Variants in IMMP2L observed in about 807,000 individuals in gnomAD.
IMMP2L encodes the protein inner mitochondrial membrane peptidase subunit 2.
IMMP2L carries 18 observed loss-of-function variants against 19.3 expected under a neutral mutation model. The ratio of observed to expected loss-of-function variants is 0.93; its 90% CI spans 0.64 to 1.38. IMMP2L has a LOEUF of 1.38. Ranked by LOEUF, IMMP2L falls within the 40% of genes most tolerant of loss-of-function variation. The probability of loss-of-function intolerance (pLI) is 0.00; values close to 1 mark genes in which losing one functional copy is unlikely to be tolerated. For missense variants in IMMP2L, 233 were observed against 218.2 expected (o/e 1.07, Z -0.43); for synonymous variants, 76 against 73.0 (o/e 1.04, Z -0.21).
intron 3 of IMMP2L, among the ~76,000 whole-genome samples, chr7:111,444,652 C>A (rs191178397): frequency 9.0e-4 from 137 of 152,158 alleles, no homozygotes; most frequent in South Asian, 4.1e-3. Context: ...AAGTATTTAA[C>A]CATCAAATCC....
intron 5 of IMMP2L, among the ~76,000 whole-genome samples, chr7:110,817,506 A>G (rs935881515): frequency 2.8e-4 from 43 of 152,176 alleles, no homozygotes; most frequent in African/African-American, 1.0e-3. Context: ...ACGGGTAGGA[A>G]GAATCAATAT....
chr7:110,865,450 A>G (rs1585072208), intron 5 of IMMP2L, among the ~76,000 whole-genome samples: 1 of 152,034 alleles, frequency 6.6e-6, no homozygotes, highest in South Asian at 2.1e-4. Flanking sequence ...TCTGAGTTCT[A>G]TATCTTAATT....
Position 111,039,437 on chromosome 7 carries a change from T to C in IMMP2L, c.240-75872A>G, listed in dbSNP as rs1266891977. Among the ~76,000 whole-genome samples the C allele has an allele frequency of 3.9e-5, 6 of 152,248 alleles. No homozygotes were observed. In the South Asian group the frequency reaches 1.0e-3, roughly 26 times the overall value. Reference sequence around the variant, plus strand: ...TAAACTAACATAAATATTACACTTATGACACTTTAAGGAAGATATGCTCAG... The same window carrying C: ...TAAACTAACATAAATATTACACTTACGACACTTTAAGGAAGATATGCTCAG... On this transcript the variant is annotated intron_variant, in intron 3 of 5. Transcript: ENST00000405709.
At chr7:111,038,014 G>A (rs1048084396) in intron 3 of IMMP2L, among the ~76,000 whole-genome samples, 3 of 152,160 alleles carry the variant, frequency 2.0e-5, no homozygotes, top group African/African-American at 7.2e-5. Flanking sequence ...CCATAGGCCA[G>A]TGTGTGATTG....
chr7:111,328,665 G>T (rs1825575738), intron 3 of IMMP2L, among the ~76,000 whole-genome samples: 1 of 151,822 alleles, frequency 6.6e-6, no homozygotes, highest in South Asian at 2.1e-4. Flanking sequence ...ATGCCCATGG[G>T]TGGGATGTTC....
intron 4 of IMMP2L, among the ~76,000 whole-genome samples, chr7:110,925,881 T>C (rs550433060): frequency 2.0e-5 from 3 of 152,168 alleles, no homozygotes; most frequent in South Asian, 2.1e-4. Flanking sequence ...TACTACCCTC[T>C]TAGTAAAACA....
chr7:111,561,110 G>T (rs557656197), intron 1 of IMMP2L, among the ~76,000 whole-genome samples: 1 of 152,264 alleles, frequency 6.6e-6, no homozygotes, highest in South Asian at 2.1e-4. Context: ...CCATACAGGG[G>T]AGAGGGAAGC....
intron 3 of IMMP2L, among the ~76,000 whole-genome samples, chr7:111,066,537 A>T (rs1794517924): frequency 6.6e-6 from 1 of 152,226 alleles, no homozygotes; most frequent in Non-Finnish European, 1.5e-5. Flanking sequence ...TGTTCCAGGT[A>T]CCGCACTAGA....
intron 4 of IMMP2L, among the ~76,000 whole-genome samples, chr7:110,892,307 G>A (rs1810882211): frequency 6.6e-6 from 1 of 152,086 alleles, no homozygotes; most frequent in South Asian, 2.1e-4. Context: ...TGCTTTGTGG[G>A]TCCAACTTGT....
chr7:110,806,189 A>G (rs149059360), intron 5 of IMMP2L, among the ~76,000 whole-genome samples: 233 of 152,174 alleles, frequency 1.5e-3, no homozygotes, highest in African/African-American at 5.5e-3. Flanking sequence ...TATTGCATGT[A>G]TTTAAAGCAA....
chr7:110,817,183 C>G (rs1251552821), intron 5 of IMMP2L, among the ~76,000 whole-genome samples: 1 of 152,088 alleles, frequency 6.6e-6, no homozygotes, highest in African/African-American at 2.4e-5. Flanking sequence ...TCCCTGTTTG[C>G]AGATGACATG....
At chr7:111,478,940 T>C (rs1216836955) in intron 3 of IMMP2L, among the ~76,000 whole-genome samples, 1 of 152,218 alleles carries the variant, frequency 6.6e-6, no homozygotes, top group Non-Finnish European at 1.5e-5. Flanking sequence ...ACAGTTGAAG[T>C]AAAGGCAGAC....
intron 3 of IMMP2L, among the ~76,000 whole-genome samples, chr7:111,459,138 TAG>T (rs1839925708): frequency 6.6e-6 from 1 of 152,160 alleles, no homozygotes; most frequent in Non-Finnish European, 1.5e-5. Context: ...GTAAATATAA[TAG>T]AGTTCCCTCT....
At chr7:110,866,980 C>T (rs1361693420) in intron 5 of IMMP2L, among the ~76,000 whole-genome samples, 1 of 152,054 alleles carries the variant, frequency 6.6e-6, no homozygotes, top group Non-Finnish European at 1.5e-5. Context: ...CCTCAATATA[C>T]ACTATTGGTT....
intron 4 of IMMP2L, among the ~76,000 whole-genome samples, chr7:110,949,546 T>G (rs1475926361): frequency 6.6e-6 from 1 of 152,178 alleles, no homozygotes; most frequent in African/African-American, 2.4e-5. Flanking sequence ...ATGGACCAAA[T>G]CTAGTCCAAC....
intron 3 of IMMP2L, among the ~76,000 whole-genome samples, chr7:111,179,527 T>C (rs11981225): frequency 0.026 from 3,954 of 152,104 alleles, 177 homozygotes; most frequent in African/African-American, 0.09. Context: ...CCAGACTCTG[T>C]TGTTCCCTTT....
intron 5 of IMMP2L, among the ~76,000 whole-genome samples, chr7:110,815,287 G>C (rs1481701485): frequency 6.6e-6 from 1 of 152,088 alleles, no homozygotes; most frequent in Non-Finnish European, 1.5e-5. Context: ...TGCGTATGCT[G>C]AACCAGCCTT....
At chr7:111,200,576 T>G (rs1314628251) in intron 3 of IMMP2L, among the ~76,000 whole-genome samples, 1 of 150,292 alleles carries the variant, frequency 6.7e-6, no homozygotes, top group African/African-American at 2.4e-5. Context: ...GTATTATTTC[T>G]GCCCGTGAAG....
intron 4 of IMMP2L, among the ~76,000 whole-genome samples, chr7:110,943,143 C>G (rs1448977386): frequency 6.6e-6 from 1 of 151,976 alleles, no homozygotes; most frequent in Non-Finnish European, 1.5e-5. Context: ...CCAGATTTCT[C>G]TCCTCCAAGG....
Sources: allele counts gnomAD v4.1 joint callset (sites outside exome capture counted in the v4.1 genomes callset), GRCh38; gene constraint gnomAD v4.1.1; transcripts MANE v1.5; gene names NCBI Gene and HGNC (gene_info 2026-07-23, HGNC 2026-07-21).